DYNC2I1: variants seen among roughly 807,000 people sequenced by gnomAD.
DYNC2I1 encodes the protein dynein 2 intermediate chain 1, also known as cytoplasmic dynein 2 intermediate chain 1.
DYNC2I1 carries 89 observed loss-of-function variants against 133.4 expected under a neutral mutation model. The ratio of observed to expected loss-of-function variants is 0.67; its 90% confidence interval spans 0.56 to 0.80. The LOEUF is 0.80. DYNC2I1 is among the 30% of genes least tolerant of loss of function. DYNC2I1 has a pLI of 0.00. For missense variants in DYNC2I1, 1,291 were observed against 1,314.5 expected (o/e 0.98, Z 0.28); for synonymous variants, 504 against 484.3 (o/e 1.04, Z -0.54).
chr7:158,920,537 C>T (rs540621964), intron 15 of DYNC2I1, among the ~76,000 whole-genome samples: 1 of 151,680 alleles, frequency 6.6e-6, no homozygotes, highest in South Asian at 2.1e-4. Flanking sequence ...TTGGGGAACT[C>T]GTGAAGTGTA....
intron 14 of DYNC2I1, among the ~76,000 whole-genome samples, chr7:158,917,201 C>G (rs568304536): frequency 2.8e-5 from 4 of 142,686 alleles, no homozygotes; most frequent in East Asian, 2.0e-4. Flanking sequence ...TGTGAAACGT[C>G]GACACGCTGG....
intron 20 of DYNC2I1, among the ~76,000 whole-genome samples, chr7:158,929,556 C>T (rs771994017): frequency 2.0e-5 from 3 of 152,230 alleles, no homozygotes; most frequent in Admixed American, 1.3e-4. Flanking sequence ...AGGTGGGGGG[C>T]ATGCCGGGAA....
At chr7:158,955,652 T>G (rs1192346949) in intron 4 of DYNC2I1, among the ~76,000 whole-genome samples, 2 of 152,212 alleles carry the variant, frequency 1.3e-5, no homozygotes, top group African/African-American at 2.4e-5. Context: ...CGTATTTTGT[T>G]TGACCCTCGT....
chr7:158,916,364 G>C (rs71546422), intron 14 of DYNC2I1, among the ~76,000 whole-genome samples: 24 of 61,116 alleles, frequency 3.9e-4, no homozygotes, highest in South Asian at 1.0e-3. Context: ...ATTGTGAAAC[G>C]TCGACACGCT....
chr7:158,949,065 G>A (rs1044892715), downstream of DYNC2I1, among the ~76,000 whole-genome samples: 1 of 150,682 alleles, frequency 6.6e-6, no homozygotes, highest in African/African-American at 2.5e-5. Flanking sequence ...TGAGGTCCAC[G>A]TCTGCCCCCG....
chr7:158,912,829 C>T (rs941295885), intron 12 of DYNC2I1, among the ~76,000 whole-genome samples, 156 bp from the exon 13 acceptor site: 1 of 152,194 alleles, frequency 6.6e-6, no homozygotes, highest in African/African-American at 2.4e-5. Flanking sequence ...CTGTATATAT[C>T]TATATCGAAC....
At position 158,871,355 on chromosome 7, in the gene DYNC2I1, G is replaced by C; in HGVS notation, c.283G>C (p.Asp95His). ...DRDRQRERRR[D>H]AKDREKEKLK... ...AGACAGACAGAGGGAGAGGAGAAGA[G>C]ACGCAAAAGACCGGGAGAAAGAAAA... Residue 95 changes from aspartate to histidine, a missense_variant, in exon 3 of 25, where the codon GAC becomes CAC. Transcript: ENST00000407559. 6.4e-7 allele frequency: 1 copy of C among 1,552,460 alleles called. No individual in the cohort carries two copies. The highest frequency in any genetic ancestry group is 8.7e-7 in the Non-Finnish European group (1 of 1,147,402).
At chr7:158,947,459 G>A (rs1185331846), downstream of DYNC2I1, among the ~76,000 whole-genome samples, 1 of 152,168 alleles carries the variant, frequency 6.6e-6, no homozygotes, top group Non-Finnish European at 1.5e-5. Flanking sequence ...TGGTGTCTGC[G>A]AATTCTCAGC....
At chr7:158,954,117 T>C (rs1485850908) in intron 4 of DYNC2I1, among the ~76,000 whole-genome samples, 2 of 152,176 alleles carry the variant, frequency 1.3e-5, no homozygotes, top group Non-Finnish European at 2.9e-5. Context: ...GCGGTTCCCC[T>C]GCACACACGC....
chr7:158,861,380 C>T (rs1257316220), intron 1 of DYNC2I1, among the ~76,000 whole-genome samples: 2 of 152,144 alleles, frequency 1.3e-5, no homozygotes, highest in Non-Finnish European at 2.9e-5. Context: ...ACTTGAGCTC[C>T]CCTAGCCCGG....
At chr7:158,922,636 A>G (rs560066606) in intron 16 of DYNC2I1, 87 bp downstream of exon 16, 2 of 1,355,598 alleles carry the variant, frequency 1.5e-6, no homozygotes, top group African/African-American at 2.9e-5. Flanking sequence ...AGTCACGGAG[A>G]GAGGTGCAGG....
At chr7:158,842,132 G>A in the DYNC2I1 span, among the ~76,000 whole-genome samples, 90 of 152,286 alleles carry the variant, frequency 5.9e-4, no homozygotes, top group Middle Eastern at 0.024. Context: ...GGATTCAAGC[G>A]ATTCTCCTGC....
chr7:158,934,708 G>C (rs567685858), intron 23 of DYNC2I1, among the ~76,000 whole-genome samples, 159 bp downstream of exon 23: 1 of 152,140 alleles, frequency 6.6e-6, no homozygotes, highest in South Asian at 2.1e-4. Context: ...AGCCTCCCGA[G>C]TAGCTGGGAC....
intron 1 of DYNC2I1, among the ~76,000 whole-genome samples, chr7:158,858,042 T>C (rs1841473322): frequency 6.6e-6 from 1 of 152,004 alleles, no homozygotes; most frequent in Non-Finnish European, 1.5e-5. Context: ...CCGCCCGCCT[T>C]GGCCTCCCAA....
intron 14 of DYNC2I1, among the ~76,000 whole-genome samples, chr7:158,915,707 G>T (rs1212919298): frequency 6.7e-6 from 1 of 148,186 alleles, no homozygotes; most frequent in African/African-American, 2.5e-5. Context: ...TGACATTAAG[G>T]ATGATTGTGA....
intron 13 of DYNC2I1, among the ~76,000 whole-genome samples, chr7:158,913,308 C>T (rs1171688331): frequency 2.6e-5 from 4 of 152,312 alleles, no homozygotes; most frequent in South Asian, 2.1e-4. Context: ...GAAACCTGCT[C>T]TCGAGGCCCA....
At chr7:158,842,594 A>G in the DYNC2I1 span, among the ~76,000 whole-genome samples, 1 of 152,234 alleles carries the variant, frequency 6.6e-6, no homozygotes, top group Non-Finnish European at 1.5e-5. Context: ...TGGAGCAGTC[A>G]CTAAATAAAT....
chr7:158,924,158 G>A (rs1490287965), intron 17 of DYNC2I1, among the ~76,000 whole-genome samples: 2 of 152,188 alleles, frequency 1.3e-5, no homozygotes, highest in East Asian at 1.9e-4. Context: ...ACTATGCCGT[G>A]CCCAGCCACC....
intron 8 of DYNC2I1, among the ~76,000 whole-genome samples, chr7:158,895,652 G>A (rs946024238): frequency 3.3e-5 from 5 of 152,088 alleles, no homozygotes; most frequent in Admixed American, 2.6e-4. Flanking sequence ...CTTTAGAGTC[G>A]GTTTGCCAAT....
Sources: gnomAD v4.1 joint callset for allele counts (sites outside exome capture counted in the v4.1 genomes callset) on GRCh38, gnomAD v4.1.1 for gene constraint, MANE v1.5 for transcripts, NCBI Gene and HGNC (gene_info 2026-07-23, HGNC 2026-07-21) for gene names.